The following RERE variants were observed in gnomAD, a reference collection of about 807,000 sequenced individuals.
RERE encodes the protein arginine-glutamic acid dipeptide repeats.
RERE carries 40 observed loss-of-function variants against 146.1 expected under a neutral mutation model. The ratio of observed to expected loss-of-function variants is 0.27; its 90% CI spans 0.21 to 0.36. The LOEUF (loss-of-function observed/expected upper bound fraction) is 0.36, where lower values mean the gene tolerates loss of function less well. RERE is among the 10% of genes least tolerant of loss of function. RERE has a pLI of 1.00. For missense variants in RERE, 1,933 were observed against 2,138.7 expected (o/e 0.90, Z 1.90); for synonymous variants, 1,003 against 866.0 (o/e 1.16, Z -2.78).
chr1:8,504,001 CAG>C (rs1557663015), intron 8 of RERE, among the ~76,000 whole-genome samples: 1 of 152,046 alleles, frequency 6.6e-6, no homozygotes, highest in East Asian at 1.9e-4. Flanking sequence ...AAAAGAAGGA[CAG>C]AATTAGTATA....
intron 12 of RERE, among the ~76,000 whole-genome samples, chr1:8,404,924 C>T (rs1037281247): frequency 6.6e-6 from 1 of 152,176 alleles, no homozygotes; most frequent in Non-Finnish European, 1.5e-5. Flanking sequence ...CAAAATATTG[C>T]CAAAGCTGGA....
Position 8,437,429 on chromosome 1 carries a change from T to G in RERE, c.1204-14622A>C, listed in dbSNP as rs139508855. 2.6e-3 allele frequency among the ~76,000 whole-genome samples: 389 copies of G among 152,020 alleles called. 1 individual carries two copies. Among genetic ancestry groups the G allele is most frequent in the African/African-American group, 8.9e-3 (369 of 41,444 alleles). ...ATGCAGATCCCTGTCTAACAGGTGATCATTGTTTTTTTTTTCTATTACAGG... is the reference window on the plus strand; with the variant it reads ...ATGCAGATCCCTGTCTAACAGGTGAGCATTGTTTTTTTTTTCTATTACAGG... On this transcript the variant is annotated intron_variant, in intron 11 of 22. Coordinates refer to ENST00000400908, the MANE Select transcript of RERE (RefSeq NM_001042681.2).
At chr1:8,675,235 G>C (rs1638807434) in intron 1 of RERE, among the ~76,000 whole-genome samples, 1 of 152,056 alleles carries the variant, frequency 6.6e-6, no homozygotes, top group South Asian at 2.1e-4. Flanking sequence ...TTTTAAATCA[G>C]CTGGTTATGA....
chr1:8,789,002 G>T (rs1641310026), intron 1 of RERE, among the ~76,000 whole-genome samples: 1 of 151,772 alleles, frequency 6.6e-6, no homozygotes, highest in African/African-American at 2.4e-5. Context: ...AGCAAAGGAG[G>T]GGGAGATAAA....
chr1:8,416,598 A>AG (rs1553164001), intron 12 of RERE, among the ~76,000 whole-genome samples: 108 of 147,752 alleles, frequency 7.3e-4, no homozygotes, highest in East Asian at 1.6e-3. Flanking sequence ...AAAAAAAAAA[A>AG]AAAAGAAAAG....
At chr1:8,369,935 G>A (rs975616335) in intron 12 of RERE, among the ~76,000 whole-genome samples, 3 of 152,002 alleles carry the variant, frequency 2.0e-5, no homozygotes, top group Non-Finnish European at 2.9e-5. Flanking sequence ...GACTACAGGA[G>A]CCCGCCACCA....
At chr1:8,577,951 T>G (rs1026059348) in intron 4 of RERE, among the ~76,000 whole-genome samples, 2 of 152,020 alleles carry the variant, frequency 1.3e-5, no homozygotes, top group African/African-American at 4.8e-5. Flanking sequence ...AAAAGCCAGG[T>G]GCGGTGGCGG....
At chr1:8,366,475 A>C (rs1427160296) in intron 12 of RERE, among the ~76,000 whole-genome samples, 1 of 152,182 alleles carries the variant, frequency 6.6e-6, no homozygotes, top group African/African-American at 2.4e-5. Context: ...ACAACCAACC[A>C]ACCAAAGCAA....
At chr1:8,632,982 T>G (rs1231920247) in intron 2 of RERE, among the ~76,000 whole-genome samples, 2 of 152,194 alleles carry the variant, frequency 1.3e-5, no homozygotes, top group African/African-American at 4.8e-5. Context: ...CTTATATATT[T>G]CAAATCAGTT....
At chr1:8,657,819 T>C (rs2124338037) in intron 1 of RERE, among the ~76,000 whole-genome samples, 1 of 152,242 alleles carries the variant, frequency 6.6e-6, no homozygotes, top group South Asian at 2.1e-4. Flanking sequence ...TGCACTCCAG[T>C]CTGGGCAAAA....
intron 1 of RERE, among the ~76,000 whole-genome samples, chr1:8,784,638 C>G (rs1350752121): frequency 6.6e-6 from 1 of 152,060 alleles, no homozygotes; most frequent in African/African-American, 2.4e-5. Flanking sequence ...AAGTGATCTG[C>G]TACCCAAAAA....
chr1:8,626,829 TTTGACTG>T (rs1286580321), intron 2 of RERE, among the ~76,000 whole-genome samples: 22 of 152,366 alleles, frequency 1.4e-4, no homozygotes, highest in African/African-American at 5.3e-4. Flanking sequence ...TGAGCCTGTC[TTTGACTG>T]TTAAGCCACT....
At chr1:8,564,998 A>G (rs942418804) in intron 4 of RERE, among the ~76,000 whole-genome samples, 2 of 152,138 alleles carry the variant, frequency 1.3e-5, no homozygotes, top group Non-Finnish European at 2.9e-5. Flanking sequence ...CAAATACCAC[A>G]TGTGCTTATT....
At chr1:8,615,492 G>C (rs1646842461) in intron 3 of RERE, among the ~76,000 whole-genome samples, 1 of 152,114 alleles carries the variant, frequency 6.6e-6, no homozygotes, top group African/African-American at 2.4e-5. Context: ...AACAGTTTGA[G>C]TATGTTCCTT....
intron 11 of RERE, among the ~76,000 whole-genome samples, chr1:8,436,896 A>T (rs1328508124): frequency 2.0e-5 from 3 of 152,236 alleles, no homozygotes; most frequent in African/African-American, 7.2e-5. Flanking sequence ...CTCAACAGCC[A>T]CAAGAGACCA....
chr1:8,364,327 C>T lies in RERE; in HGVS notation c.1541-72G>A, dbSNP rs1479165124. On this transcript the variant is annotated intron_variant, in intron 14 of 22. Transcript: ENST00000400908. This position sits in a 1 kb window ranked among gnomAD's most constrained non-coding sequence, Gnocchi z 5.1. ...CCCTGGGGATGTCTGGGCAGAGGGG[C>T]CCTTCTGTGGGCTCTACCCAAACCT... is the stretch of plus-strand genomic sequence containing the variant. 1.3e-5 allele frequency: 18 copies of T among 1,397,100 alleles called. No homozygotes were observed. In the East Asian group the frequency reaches 1.6e-4, roughly 12 times the overall value. 86.5% of individuals were successfully genotyped at this position (1,397,100 alleles called of 1,614,324 possible).
chr1:8,629,115 T>C (rs1647006606), intron 2 of RERE, among the ~76,000 whole-genome samples: 1 of 152,222 alleles, frequency 6.6e-6, no homozygotes, highest in African/African-American at 2.4e-5. Context: ...CAAATCAGCA[T>C]GCCTGTAATG....
intron 8 of RERE, among the ~76,000 whole-genome samples, chr1:8,498,667 G>A (rs1037404776): frequency 1.4e-5 from 2 of 145,884 alleles, no homozygotes; most frequent in East Asian, 4.0e-4. Flanking sequence ...CTGCACTCCA[G>A]CCTAGGTGAC....
At chr1:8,358,996 G>A in intron 19 of RERE, 80 bp from the exon 20 acceptor site, 1 of 1,462,546 alleles carries the variant, frequency 6.8e-7, no homozygotes, top group Non-Finnish European at 9.0e-7. Flanking sequence ...AGGTGGGCCT[G>A]GTCCTGCTCC....
Sources: gnomAD v4.1 joint callset for allele counts (sites outside exome capture counted in the v4.1 genomes callset) on GRCh38, gnomAD v4.1.1 for gene constraint, Gnocchi (gnomAD v3.1) non-coding constraint, MANE v1.5 for transcripts, NCBI Gene and HGNC (gene_info 2026-07-23, HGNC 2026-07-21) for gene names.